The following CCNT2 variants were observed in gnomAD, a reference collection of about 807,000 sequenced individuals.
The protein encoded by CCNT2 is cyclin-T2.
In CCNT2, 18 loss-of-function variants were observed where a neutral mutation model predicts 70.0. That is an observed-to-expected ratio of 0.26 (90% CI 0.18 to 0.38). CCNT2 has a LOEUF of 0.38. CCNT2 is among the 10% of genes least tolerant of loss of function. The pLI, the probability that CCNT2 is intolerant of heterozygous loss-of-function variation, is 1.00. For missense variants in CCNT2, 734 were observed against 890.2 expected (o/e 0.82, Z 2.23); for synonymous variants, 334 against 313.3 (o/e 1.07, Z -0.70).
chr2:134,953,189 T>A, intron 8 of CCNT2, 41 bp from the exon 9 acceptor site: 1 of 1,383,244 alleles, frequency 7.2e-7, no homozygotes, highest in Non-Finnish European at 1.0e-6. Flanking sequence ...CATTAAATTA[T>A]TTTGCTATAT....
At chr2:134,922,296 G>T (rs2105010150) in intron 2 of CCNT2, among the ~76,000 whole-genome samples, 1 of 152,316 alleles carries the variant, frequency 6.6e-6, no homozygotes, top group Admixed American at 6.5e-5. Flanking sequence ...TAGTCTTATA[G>T]TAAATATTAA....
At chr2:134,923,608 C>T (rs1047854394) in intron 2 of CCNT2, among the ~76,000 whole-genome samples, 5 of 152,164 alleles carry the variant, frequency 3.3e-5, no homozygotes, top group East Asian at 1.9e-4. Flanking sequence ...AAATTTGAGA[C>T]GATTAGCCTA....
intron 2 of CCNT2, among the ~76,000 whole-genome samples, chr2:134,922,201 A>G (rs1679964233): frequency 6.6e-6 from 1 of 152,238 alleles, no homozygotes; most frequent in Non-Finnish European, 1.5e-5. Flanking sequence ...AATCTTCACC[A>G]GAGTAAACTG....
rs1299676915 is a variant in CCNT2 at position 134,954,384 on chromosome 2, T to C, written c.1929T>C (p.Ser643=). The stretch of plus-strand genomic sequence containing the variant: ...GCAAAAGTTCCAAAAGTTCAGGTAG[T>C]TCATCTAGTTCTTCCTCCTCTGTTA... ...KMSKSSKSSG[S]SSSSSSSVKQ... The change falls in exon 9 of 9, where the codon AGT becomes AGC. Residue 643 remains serine (S), a synonymous_variant. Coordinates refer to ENST00000264157, the MANE Select transcript of CCNT2 (RefSeq NM_058241.3). 1 of 1,614,144 alleles carries C rather than the reference T, an allele frequency of 6.2e-7. No individual in the cohort carries two copies. The highest frequency in any genetic ancestry group is 1.3e-5 in the African/African-American group (1 of 75,050).
At chr2:134,945,652 T>A (rs1339830986) in intron 5 of CCNT2, 1 of 1,218,154 alleles carries the variant, frequency 8.2e-7, no homozygotes, top group Non-Finnish European at 1.0e-6. Flanking sequence ...GGGGGTTTGT[T>A]TTGTTTTGTT....
chr2:134,919,128 G>A, intron 1 of CCNT2, 116 bp downstream of exon 1: 1 of 1,186,402 alleles, frequency 8.4e-7, no homozygotes, highest in Non-Finnish European at 1.2e-6. Context: ...TCGGCGCCGC[G>A]GTCAGGGAAG....
intron 3 of CCNT2, 56 bp downstream of exon 3, chr2:134,937,025 T>C (rs1450895252): frequency 2.3e-6 from 3 of 1,330,524 alleles, no homozygotes; most frequent in Non-Finnish European, 3.2e-6. Flanking sequence ...TTTTTCATAA[T>C]GTAGGCCTAA....
rs1683041151 is a variant in CCNT2, at chr2:134,958,401, T to C, written c.*3753T>C. 6.6e-6 allele frequency: 1 copy of C among 152,234 alleles called. No individual in the cohort carries two copies. The highest frequency in any genetic ancestry group is 6.5e-5 in the Admixed American group (1 of 15,284). 9.4% of individuals were successfully genotyped at this position (152,234 alleles called of 1,614,324 possible). ...CTTGAAGGGAGACAGTAGGATTCAC[T>C]GACTACCTTTACCCAGATGAGGGAT... On this transcript the variant is annotated 3_prime_UTR_variant, in exon 9 of 9. Transcript: ENST00000264157.
At chr2:134,946,186 A>G (rs776362957) in intron 6 of CCNT2, 40 bp downstream of exon 6, 1 of 1,602,114 alleles carries the variant, frequency 6.2e-7, no homozygotes, top group Non-Finnish European at 8.5e-7. Context: ...GTTGTAGCAC[A>G]CTATAGCTTC....
rs1680958764 is a variant in CCNT2, at chr2:134,933,823, GC to G, written c.241-3017del. ...AATATTTGAGTCATATTACTAGGGAGCACTATTCTAAGTCCTGTGTATATTG... is the reference window on the plus strand; with the variant it reads ...AATATTTGAGTCATATTACTAGGGAGACTATTCTAAGTCCTGTGTATATTG... On this transcript the variant is annotated intron_variant, in intron 2 of 8. Coordinates refer to ENST00000264157, the MANE Select transcript of CCNT2 (RefSeq NM_058241.3). 2.6e-5 allele frequency among the ~76,000 whole-genome samples: 4 copies of G among 152,238 alleles called. No individual in the cohort carries two copies. In the South Asian group the frequency reaches 8.3e-4, roughly 32 times the overall value.
At chr2:134,924,455 T>C (rs1402849270) in intron 2 of CCNT2, among the ~76,000 whole-genome samples, 1 of 152,084 alleles carries the variant, frequency 6.6e-6, no homozygotes, top group Admixed American at 6.6e-5. Context: ...CAGTATTCTT[T>C]TTTATTTTTT....
In CCNT2 at chr2:134,958,738, GT is replaced by G. The variant is rs1174913465; in HGVS notation, c.*4094del. ...CCAGTGGGACTGAAAAGCTCAAAAT[GT>G]TTTAGACCTAATATCATACATTAAT... On this transcript the variant is annotated 3_prime_UTR_variant, in exon 9 of 9. Transcript: ENST00000264157. The G allele has an allele frequency of 1.3e-5, 2 of 152,174 alleles. No individual in the cohort carries two copies. Among genetic ancestry groups the G allele is most frequent in the Non-Finnish European group, 2.9e-5 (2 of 68,006 alleles). The allele number at this position is 152,174 out of a possible 1,614,324, so 9.4% of individuals were successfully genotyped here.
At position 134,957,290 on chromosome 2, in the gene CCNT2, T is replaced by C. The variant is rs1682985281; in HGVS notation, c.*2642T>C. Reference sequence around the variant, plus strand: ...AGTAGCCATAAATAAACCAAAATAGTATCAAATTTAGGTATGAAATTCCAC... The same window carrying C: ...AGTAGCCATAAATAAACCAAAATAGCATCAAATTTAGGTATGAAATTCCAC... On this transcript the variant is annotated 3_prime_UTR_variant, in exon 9 of 9. Coordinates refer to ENST00000264157, the MANE Select transcript of CCNT2 (RefSeq NM_058241.3). 1 of 152,178 alleles carries C rather than the reference T, an allele frequency of 6.6e-6. No homozygotes were observed. The highest frequency in any genetic ancestry group is 2.4e-5 in the African/African-American group (1 of 41,430). The allele number at this position is 152,178 out of a possible 1,614,324, so 9.4% of individuals were successfully genotyped here. A position where few individuals can be genotyped will look rare whatever the true frequency, so the allele number is the denominator to read the frequency against.
At chr2:134,919,201 C>G (rs1679650012) in intron 1 of CCNT2, among the ~76,000 whole-genome samples, 189 bp downstream of exon 1, 1 of 152,162 alleles carries the variant, frequency 6.6e-6, no homozygotes, top group African/African-American at 2.4e-5. Context: ...GATAGGACCC[C>G]AGGAATGCGG....
In CCNT2 at chr2:134,946,446, G is replaced by A. The variant is rs1006756911; in HGVS notation, c.539+300G>A. The A allele has an allele frequency of 1.3e-5, 15 of 1,127,498 alleles. No homozygotes were observed. The African/African-American group carries it at 1.5e-4, about 11-fold the overall frequency. 69.8% of individuals were successfully genotyped at this position (1,127,498 alleles called of 1,614,324 possible). On this transcript the variant is annotated intron_variant, in intron 6 of 8. Coordinates refer to ENST00000264157, the MANE Select transcript of CCNT2 (RefSeq NM_058241.3). ...AAGATTACAAAGAGCTAAACTTAAC[G>A]TAGAAATTCGAGCAACTTGGTAAGT...
chr2:134,950,401 G>A (rs1682392989), intron 7 of CCNT2, among the ~76,000 whole-genome samples: 1 of 152,108 alleles, frequency 6.6e-6, no homozygotes, highest in Non-Finnish European at 1.5e-5. Context: ...GGTGTGGCCG[G>A]GTGCAGTCAC....
intron 2 of CCNT2, 26 bp downstream of exon 2, chr2:134,919,917 T>C (rs755310086): frequency 2.0e-6 from 3 of 1,510,318 alleles, no homozygotes; most frequent in South Asian, 1.2e-5. Flanking sequence ...CTGTTTTTAC[T>C]GTCCGCAAAT....
In CCNT2 at chr2:134,936,151, CTT is replaced by C. The variant is rs10712483; in HGVS notation, c.241-676_241-675del. On this transcript the variant is annotated intron_variant, in intron 2 of 8. Coordinates refer to ENST00000264157, the MANE Select transcript of CCNT2 (RefSeq NM_058241.3). ...TGGGTATACTTGATCCGCTTTTCAT[CTT>C]TTTTTTTTTTTTTCAGGTATAGCAT... Among the ~76,000 whole-genome samples the C allele has an allele frequency of 9.8e-4, 122 of 124,832 alleles. 1 individual carries two copies. Among genetic ancestry groups the C allele is most frequent in the African/African-American group, 2.0e-3 (68 of 33,592 alleles). The allele number at this position is 124,832 out of a possible 152,430, so 81.9% of individuals were successfully genotyped here. A position where few individuals can be genotyped will look rare whatever the true frequency, so the allele number is the denominator to read the frequency against.
intron 1 of CCNT2, 84 bp downstream of exon 1, chr2:134,919,096 C>T (rs1349199721): frequency 1.4e-6 from 2 of 1,454,556 alleles, no homozygotes; most frequent in Non-Finnish European, 1.8e-6. Flanking sequence ...ATGGCGCCGC[C>T]GGCCTCGGCC....
Sources: allele counts gnomAD v4.1 joint callset (sites outside exome capture counted in the v4.1 genomes callset), GRCh38; gene constraint gnomAD v4.1.1; transcripts MANE v1.5; gene names NCBI Gene and HGNC (gene_info 2026-07-23, HGNC 2026-07-21).